The following RPL34 variants were observed in gnomAD, a reference collection of about 807,000 sequenced individuals.
RPL34 encodes large ribosomal subunit protein eL34.
In RPL34, 2 loss-of-function variants were observed where a neutral mutation model predicts 16.3. That is an observed-to-expected ratio of 0.12 (90% CI 0.05 to 0.39). The LOEUF is 0.39. Among genes scored for constraint, RPL34 ranks in the 10% least tolerant of loss-of-function variants. The pLI, the probability that RPL34 is intolerant of heterozygous loss-of-function variation, is 0.99. For missense variants in RPL34, 82 were observed against 148.8 expected, an observed-to-expected ratio of 0.55 and a Z score of 2.33; for synonymous variants, 47 against 48.5, an observed-to-expected ratio of 0.97 and a Z score of 0.13.
intron 4 of RPL34, among the ~76,000 whole-genome samples, chr4:108,624,215 T>C (rs1352403437): frequency 6.6e-6 from 1 of 152,254 alleles, no homozygotes; most frequent in Admixed American, 6.5e-5. Flanking sequence ...GCTGTGATGC[T>C]GAGCAGGTCT....
At position 108,620,599 on chromosome 4, in the gene RPL34, A is replaced by T. The variant is rs1044052339; in HGVS notation, c.-11A>T. 3.2e-6 allele frequency: 1 copy of T among 313,600 alleles called. No homozygotes were observed. The highest frequency in any genetic ancestry group is 6.4e-6 in the Non-Finnish European group (1 of 155,636). 19.4% of individuals were successfully genotyped at this position (313,600 alleles called of 1,614,324 possible). A position where few individuals can be genotyped will look rare whatever the true frequency, so the allele number is the denominator to read the frequency against. On this transcript the variant is annotated splice_region_variant and 5_prime_UTR_variant, in exon 1 of 5. Transcript: ENST00000394667. The stretch of plus-strand genomic sequence containing the variant: ...TTCCTCTTCCGGGGACGTTGTCTGC[A>T]GGTATGGATGTTGTTCTCTTTTCCC...
At chr4:108,630,431 C>G (rs1726136145), downstream of RPL34, 1 of 152,054 alleles carries the variant, frequency 6.6e-6, no homozygotes. Context: ...TCTATGTGAC[C>G]AGTTCTCTGT....
downstream of RPL34, among the ~76,000 whole-genome samples, chr4:108,629,038 G>A (rs10000321): frequency 9.9e-5 from 15 of 152,026 alleles, no homozygotes; most frequent in African/African-American, 3.6e-4. Context: ...GGCTGGTCTC[G>A]AACTCCTGAC....
chr4:108,620,593 G>GA lies in RPL34; in HGVS notation c.-17_-16insA, dbSNP rs770857341. 1 of 318,858 alleles carries GA rather than the reference G, an allele frequency of 3.1e-6. No homozygotes were observed. Among genetic ancestry groups the GA allele is most frequent in the Non-Finnish European group, 6.3e-6 (1 of 158,586 alleles). The allele number at this position is 318,858 out of a possible 1,614,324, so 19.8% of individuals were successfully genotyped here. A position where few individuals can be genotyped will look rare whatever the true frequency, so the allele number is the denominator to read the frequency against. Reference sequence around the variant, plus strand: ...TTTTTCTTCCTCTTCCGGGGACGTTGTCTGCAGGTATGGATGTTGTTCTCT... The same window carrying GA: ...TTTTTCTTCCTCTTCCGGGGACGTTGATCTGCAGGTATGGATGTTGTTCTCT... On this transcript the variant is annotated 5_prime_UTR_variant, in exon 1 of 5. Coordinates refer to ENST00000394667, the MANE Select transcript of RPL34 (RefSeq NM_001319236.2).
downstream of RPL34, among the ~76,000 whole-genome samples, chr4:108,629,298 G>C (rs1726107892): frequency 6.6e-6 from 1 of 152,194 alleles, no homozygotes; most frequent in African/African-American, 2.4e-5. Context: ...GCTGCCTGCA[G>C]TATGAAATTT....
chr4:108,628,000 A>C (rs947462884), downstream of RPL34, among the ~76,000 whole-genome samples: 14 of 152,224 alleles, frequency 9.2e-5, no homozygotes, highest in East Asian at 2.7e-3. Flanking sequence ...CAGGTTATAG[A>C]AAACCCAGAG....
chr4:108,622,495 T>G lies in RPL34; in HGVS notation c.166-20T>G. ...TTTCTGTTAAAGCATCACAAAAATC[T>G]TAATATTTTTCTTATGCAGGTTCGT... On this transcript the variant is annotated intron_variant, in intron 3 of 4. Transcript: ENST00000394667. 6.3e-7 allele frequency: 1 copy of G among 1,581,656 alleles called. No individual in the cohort carries two copies. Among genetic ancestry groups the G allele is most frequent in the African/African-American group, 1.3e-5 (1 of 74,234 alleles).
rs143244974 is a variant in RPL34 at position 108,625,096 on chromosome 4, A to G, written c.270-32A>G. On this transcript the variant is annotated intron_variant, in intron 4 of 4. Coordinates refer to ENST00000394667, the MANE Select transcript of RPL34 (RefSeq NM_001319236.2). ...AAATAAAAAATGAAGTTCATTTTAAAGAAATGATTAATTTGGTATTTTCCT... is the reference window on the plus strand; with the variant it reads ...AAATAAAAAATGAAGTTCATTTTAAGGAAATGATTAATTTGGTATTTTCCT... The G allele has an allele frequency of 1.0e-3, 1,448 of 1,449,492 alleles. 8 individuals are homozygous for G. In the African/African-American group the frequency reaches 0.012, roughly 12 times the overall value. The allele number at this position is 1,449,492 out of a possible 1,614,324, so 89.8% of individuals were successfully genotyped here.
chr4:108,621,405 T>C (rs1725765896), intron 1 of RPL34: 1 of 157,550 alleles, frequency 6.3e-6, no homozygotes. Context: ...AGGGTATGCC[T>C]TTACGCAGGT....
At chr4:108,623,981 A>G (rs1201568838) in intron 4 of RPL34, among the ~76,000 whole-genome samples, 1 of 152,206 alleles carries the variant, frequency 6.6e-6, no homozygotes, top group Non-Finnish European at 1.5e-5. Context: ...GAAAGTACGG[A>G]CTGATCTGGC....
At chr4:108,620,636 C>T (rs961380849) in intron 1 of RPL34, 36 bp downstream of exon 1, 2 of 265,154 alleles carry the variant, frequency 7.5e-6, no homozygotes, top group Non-Finnish European at 1.6e-5. Flanking sequence ...GTCTTTATTT[C>T]CTTACCAATC....
chr4:108,620,603 A>G lies in RPL34; in HGVS notation c.-10+3A>G, dbSNP rs551159082. ...TCTTCCGGGGACGTTGTCTGCAGGT[A>G]TGGATGTTGTTCTCTTTTCCCTGTC... On this transcript the variant is annotated splice_donor_region_variant and intron_variant, in intron 1 of 4. Coordinates refer to ENST00000394667, the MANE Select transcript of RPL34 (RefSeq NM_001319236.2). The G allele has an allele frequency of 6.8e-5, 21 of 307,922 alleles. No homozygotes were observed. The highest frequency in any genetic ancestry group is 1.3e-4 in the Admixed American group (3 of 23,410). 19.1% of individuals were successfully genotyped at this position (307,922 alleles called of 1,614,324 possible). A position where few individuals can be genotyped will look rare whatever the true frequency, so the allele number is the denominator to read the frequency against.
chr4:108,626,978 G>T (rs1560614831), downstream of RPL34, among the ~76,000 whole-genome samples: 1 of 152,156 alleles, frequency 6.6e-6, no homozygotes. Flanking sequence ...CGTGGTTCAT[G>T]CCTGTAATCC....
chr4:108,627,255 T>C (rs1016278683), downstream of RPL34, among the ~76,000 whole-genome samples: 2 of 152,000 alleles, frequency 1.3e-5, no homozygotes, highest in African/African-American at 4.8e-5. Context: ...AAAAACACCT[T>C]TTCTTAGGCC....
At chr4:108,623,857 A>G (rs957224338) in intron 4 of RPL34, among the ~76,000 whole-genome samples, 6 of 152,224 alleles carry the variant, frequency 3.9e-5, no homozygotes, top group Non-Finnish European at 7.3e-5. Context: ...AAGCTTAACT[A>G]TGATTGAAGT....
At chr4:108,623,495 C>T (rs907352841) in intron 4 of RPL34, among the ~76,000 whole-genome samples, 4 of 152,246 alleles carry the variant, frequency 2.6e-5, no homozygotes, top group South Asian at 2.1e-4. Context: ...CTGTAACCTC[C>T]GCCTCCCGGG....
intron 4 of RPL34, chr4:108,623,024 A>T (rs1328422576): frequency 6.5e-6 from 1 of 154,834 alleles, no homozygotes; most frequent in African/African-American, 2.4e-5. Context: ...GAGATGATGG[A>T]CAACAAAGGT....
intron 3 of RPL34, 60 bp from the exon 4 acceptor site, chr4:108,622,455 C>A: frequency 7.2e-7 from 1 of 1,384,440 alleles, no homozygotes; most frequent in East Asian, 2.3e-5. Context: ...TAACACTTAA[C>A]AAAATTTAGG....
rs753922634 is a variant in RPL34, at chr4:108,625,112, G to T, written c.270-16G>T. 7 of 1,556,692 alleles carry T rather than the reference G, an allele frequency of 4.5e-6. No individual in the cohort carries two copies. The highest frequency in any genetic ancestry group is 1.7e-5 in the Admixed American group (1 of 58,566). On this transcript the variant is annotated splice_polypyrimidine_tract_variant and intron_variant, in intron 4 of 4. Transcript: ENST00000394667. ...TCATTTTAAAGAAATGATTAATTTG[G>T]TATTTTCCTTTCTAGGATCAAGCGT...
Sources: gnomAD v4.1 joint callset for allele counts (sites outside exome capture counted in the v4.1 genomes callset) on GRCh38, gnomAD v4.1.1 for gene constraint, MANE v1.5 for transcripts, NCBI Gene and HGNC (gene_info 2026-07-23, HGNC 2026-07-21) for gene names.